The following NMNAT1 variants were observed in gnomAD, a reference collection of about 807,000 sequenced individuals.
The protein encoded by NMNAT1 is nicotinamide nucleotide adenylyltransferase 1, also known as nicotinamide/nicotinic acid mononucleotide adenylyltransferase 1.
In NMNAT1, 11 loss-of-function variants were observed where a neutral mutation model predicts 16.7. The observed-to-expected ratio is 0.66, with a 90% CI of 0.41 to 1.09. The LOEUF (loss-of-function observed/expected upper bound fraction) is 1.09, where lower values mean the gene tolerates loss of function less well. NMNAT1 is among the 50% of genes least tolerant of loss of function. The probability of loss-of-function intolerance (pLI) is 0.00; values close to 1 mark genes in which losing one functional copy is unlikely to be tolerated. For missense variants in NMNAT1, 280 were observed against 332.3 expected (o/e 0.84, Z 1.22); for synonymous variants, 110 against 119.8 (o/e 0.92, Z 0.53).
chr1:9,949,370 G>C (rs925338907), intron 1 of NMNAT1, among the ~76,000 whole-genome samples: 3 of 150,398 alleles, frequency 2.0e-5, no homozygotes, highest in African/African-American at 7.3e-5. Context: ...AATCTATAAG[G>C]GGGAGGTTGT....
chr1:9,957,243 G>C (rs992567426), intron 1 of NMNAT1, among the ~76,000 whole-genome samples: 5 of 152,136 alleles, frequency 3.3e-5, no homozygotes, highest in African/African-American at 1.2e-4. Context: ...TGGTCAGGCT[G>C]GTCTCACACT....
chr1:9,971,108 G>A (rs1641677481), intron 1 of NMNAT1, among the ~76,000 whole-genome samples: 1 of 152,134 alleles, frequency 6.6e-6, no homozygotes, highest in Admixed American at 6.6e-5. Context: ...ATGTGGGGTG[G>A]TTGTCTATCA....
chr1:9,977,777 G>A (rs1641847815), intron 3 of NMNAT1, among the ~76,000 whole-genome samples: 1 of 152,054 alleles, frequency 6.6e-6, no homozygotes, highest in South Asian at 2.1e-4. Context: ...AGAATTGCCT[G>A]AGCCTGGGAG....
intron 1 of NMNAT1, chr1:9,955,878 T>G (rs1330997709): frequency 2.0e-5 from 3 of 152,094 alleles, no homozygotes; most frequent in Non-Finnish European, 4.4e-5. Flanking sequence ...AGAGATTGGC[T>G]GCAATATTGG....
At chr1:9,949,844 A>G (rs1289119423) in intron 1 of NMNAT1, 3 of 152,100 alleles carry the variant, frequency 2.0e-5, no homozygotes, top group Non-Finnish European at 2.9e-5. Flanking sequence ...ACCTTTGTTC[A>G]TTACTAAGAT....
Position 9,972,108 on chromosome 1 carries a change from T to C in NMNAT1, c.35T>C (p.Leu12Pro). ...TCCGAGAAGACTGAAGTGGTTCTCC[T>C]TGCTTGTGGTTCATTCAATCCCATC... Reference protein sequence around the residue: ...ENSEKTEVVLLACGSFNPITN... With the variant: ...ENSEKTEVVLPACGSFNPITN... The change falls in exon 2 of 5, where the codon CTT becomes CCT. Residue 12 changes from leucine (L) to proline (P), a missense_variant. By Grantham distance (98) the Leu-to-Pro change is moderately conservative. Transcript: ENST00000377205. 1 of 1,612,708 alleles carries C rather than the reference T, an allele frequency of 6.2e-7. No homozygotes were observed. The highest frequency in any genetic ancestry group is 8.5e-7 in the Non-Finnish European group (1 of 1,178,774).
At chr1:9,961,519 A>C (rs1290829290) in intron 1 of NMNAT1, among the ~76,000 whole-genome samples, 1 of 151,974 alleles carries the variant, frequency 6.6e-6, no homozygotes, top group African/African-American at 2.4e-5. Flanking sequence ...CTCCCATAAT[A>C]CCACTGGTAG....
chr1:9,961,659 A>AT (rs982862832), intron 1 of NMNAT1, among the ~76,000 whole-genome samples: 1 of 152,014 alleles, frequency 6.6e-6, no homozygotes, highest in Admixed American at 6.6e-5. Context: ...TGATGAACTC[A>AT]TTTTTTTCTA....
At chr1:9,995,585 T>C in the NMNAT1 span, among the ~76,000 whole-genome samples, 1 of 152,094 alleles carries the variant, frequency 6.6e-6, no homozygotes, top group East Asian at 1.9e-4. Flanking sequence ...TCCCAGCTAC[T>C]CAGGAGGCTG....
intron 1 of NMNAT1, among the ~76,000 whole-genome samples, chr1:9,945,411 A>T (rs1441183224): frequency 6.6e-6 from 1 of 152,190 alleles, no homozygotes; most frequent in Non-Finnish European, 1.5e-5. Flanking sequence ...CTTTAAAAAA[A>T]TTATTTGAGC....
intron 1 of NMNAT1, among the ~76,000 whole-genome samples, chr1:9,963,079 T>C (rs1641463904): frequency 6.6e-6 from 1 of 151,796 alleles, no homozygotes; most frequent in Admixed American, 6.6e-5. Flanking sequence ...GTCCAAGGGG[T>C]TAAAGTTTAT....
chr1:9,976,286 C>CA (rs554511251), intron 3 of NMNAT1, among the ~76,000 whole-genome samples: 1,962 of 58,136 alleles, frequency 0.034, 32 homozygotes, highest in Non-Finnish European at 0.044. Flanking sequence ...GACTCCATCT[C>CA]AAAAAAAAAA....
intron 1 of NMNAT1, among the ~76,000 whole-genome samples, chr1:9,968,080 G>GTTTTTTTTTTTGT (rs6143117): frequency 7.6e-5 from 9 of 117,770 alleles, no homozygotes; most frequent in African/African-American, 2.3e-4. Context: ...TTTTTTTTTT[G>GTTTTTTTTTTTGT]TTTTTTTTTG....
intron 4 of NMNAT1, chr1:9,981,593 A>G (rs148996149): frequency 1.9e-3 from 305 of 157,810 alleles, no homozygotes; most frequent in Non-Finnish European, 3.3e-3. Flanking sequence ...TTGGTCTTGA[A>G]CTCCTGGCCC....
chr1:9,953,580 A>G (rs1641171512), intron 1 of NMNAT1, among the ~76,000 whole-genome samples: 2 of 151,870 alleles, frequency 1.3e-5, no homozygotes, highest in Admixed American at 1.3e-4. Context: ...AGCTGGGACT[A>G]CAGGCGTGTG....
chr1:9,996,405 T>A, the NMNAT1 span, among the ~76,000 whole-genome samples: 2 of 151,920 alleles, frequency 1.3e-5, no homozygotes, highest in Non-Finnish European at 2.9e-5. Context: ...GGAGCCAGCA[T>A]ATCTAGGCGG....
chr1:9,985,834 T>G, downstream of NMNAT1, among the ~76,000 whole-genome samples: 1 of 152,214 alleles, frequency 6.6e-6, no homozygotes, highest in Non-Finnish European at 1.5e-5. Flanking sequence ...GGCTAATTTT[T>G]GTATATTCAG....
Position 9,972,031 on chromosome 1 carries a change from T to A in NMNAT1, c.-43T>A. On this transcript the variant is annotated 5_prime_UTR_variant, in exon 2 of 5. Coordinates refer to ENST00000377205, the MANE Select transcript of NMNAT1 (RefSeq NM_022787.4). ...TTTCCTTTGTAGACAACAAGGGAGG[T>A]GTCACAGTTTTCCATTTAGATCAAC... 1 of 945,532 alleles carries A rather than the reference T, an allele frequency of 1.1e-6. No individual in the cohort carries two copies. The highest frequency in any genetic ancestry group is 1.7e-6 in the Non-Finnish European group (1 of 574,118). The allele number at this position is 945,532 out of a possible 1,614,324, so 58.6% of individuals were successfully genotyped here.
the NMNAT1 span, among the ~76,000 whole-genome samples, chr1:9,994,101 C>CTTTT: frequency 1.9e-5 from 2 of 106,194 alleles, no homozygotes; most frequent in African/African-American, 4.6e-5. Flanking sequence ...CAAATGTTAG[C>CTTTT]TTTTTTTTTT....
Sources: allele counts gnomAD v4.1 joint callset (sites outside exome capture counted in the v4.1 genomes callset), GRCh38; gene constraint gnomAD v4.1.1; transcripts MANE v1.5; gene names NCBI Gene and HGNC (gene_info 2026-07-23, HGNC 2026-07-21).